Variants in TTC28 observed in about 807,000 individuals in gnomAD.
TTC28 encodes tetratricopeptide repeat domain 28.
TTC28 carries 61 observed loss-of-function variants against 198.0 expected under a neutral mutation model. The ratio of observed to expected loss-of-function variants is 0.31; its 90% CI spans 0.25 to 0.38. The LOEUF (loss-of-function observed/expected upper bound fraction) is 0.38. TTC28 is among the 10% of genes least tolerant of loss of function. The pLI is 1.00. For missense variants in TTC28, 2,678 were observed against 3,164.0 expected, an observed-to-expected ratio of 0.85 and a Z score of 3.69; for synonymous variants, 1,171 against 1,297.8, an observed-to-expected ratio of 0.90 and a Z score of 2.10.
intron 2 of TTC28, among the ~76,000 whole-genome samples, chr22:28,603,886 T>A (rs2050682403): frequency 1.3e-5 from 2 of 152,216 alleles, no homozygotes; most frequent in Admixed American, 1.3e-4. Context: ...GAAGAATGTT[T>A]CCATTTTAGT....
intron 6 of TTC28, among the ~76,000 whole-genome samples, chr22:28,127,044 T>G (rs561138327): frequency 3.9e-5 from 6 of 152,342 alleles, no homozygotes; most frequent in African/African-American, 1.4e-4. Flanking sequence ...TAAAAATATC[T>G]TAATAAATTA....
At chr22:28,629,299 G>A in intron 2 of TTC28, 5 of 441,198 alleles carry the variant, frequency 1.1e-5, no homozygotes, top group Non-Finnish European at 1.6e-5. Flanking sequence ...TTATCAAGCG[G>A]CACAGATAAA....
intron 5 of TTC28, among the ~76,000 whole-genome samples, chr22:28,277,087 A>G (rs2044487050): frequency 6.6e-6 from 1 of 152,166 alleles, no homozygotes; most frequent in Non-Finnish European, 1.5e-5. Context: ...AATAAAAAAA[A>G]TTTAGAAAGT....
intron 2 of TTC28, among the ~76,000 whole-genome samples, chr22:28,537,615 A>G (rs1470208315): frequency 1.3e-5 from 2 of 152,168 alleles, no homozygotes; most frequent in Admixed American, 6.5e-5. Context: ...TGATAGATCA[A>G]AATGTATAAA....
At chr22:28,243,422 C>CT (rs34069957) in intron 5 of TTC28, among the ~76,000 whole-genome samples, 8,251 of 140,760 alleles carry the variant, frequency 0.059, 351 homozygotes, top group African/African-American at 0.11. Context: ...TTTTTTTTCC[C>CT]TTTTTTTTTT....
chr22:28,655,876 T>G (rs2051640287), intron 1 of TTC28, among the ~76,000 whole-genome samples: 1 of 150,220 alleles, frequency 6.7e-6, no homozygotes, highest in African/African-American at 2.4e-5. Flanking sequence ...AAAAAAAAAC[T>G]TCCCCCACCC....
At chr22:28,473,892 G>C (rs1226064729) in intron 2 of TTC28, among the ~76,000 whole-genome samples, 5 of 152,188 alleles carry the variant, frequency 3.3e-5, no homozygotes, top group Non-Finnish European at 7.3e-5. Flanking sequence ...GCCAAAGAGA[G>C]AAGCCTCAAA....
intron 1 of TTC28, among the ~76,000 whole-genome samples, chr22:28,658,344 C>A (rs796417769): frequency 6.6e-6 from 1 of 152,088 alleles, no homozygotes; most frequent in African/African-American, 2.4e-5. Context: ...TACTCTAAAG[C>A]AGAAGAGTAA....
intron 5 of TTC28, among the ~76,000 whole-genome samples, chr22:28,259,276 A>G (rs1931161281): frequency 6.6e-6 from 1 of 152,150 alleles, no homozygotes; most frequent in African/African-American, 2.4e-5. Flanking sequence ...GTTCCTAGCC[A>G]TAGTAGGTAT....
intron 2 of TTC28, among the ~76,000 whole-genome samples, chr22:28,459,169 G>A (rs1000216554): frequency 1.9e-4 from 29 of 152,132 alleles, no homozygotes; most frequent in African/African-American, 7.0e-4. Context: ...GCTCATGCCT[G>A]TAATCCCAGC....
At chr22:27,995,857 T>C (rs185370843) in intron 17 of TTC28, among the ~76,000 whole-genome samples, 41 of 152,294 alleles carry the variant, frequency 2.7e-4, no homozygotes, top group African/African-American at 9.6e-4. Flanking sequence ...CCACACACCA[T>C]GCCCACCCCT....
chr22:28,358,097 C>T (rs952976196), intron 2 of TTC28, among the ~76,000 whole-genome samples: 3 of 152,010 alleles, frequency 2.0e-5, no homozygotes, highest in African/African-American at 7.3e-5. Context: ...CATAAAGTAC[C>T]TTATTTTGAG....
At chr22:28,534,425 C>G (rs376041938) in intron 2 of TTC28, among the ~76,000 whole-genome samples, 30 of 152,036 alleles carry the variant, frequency 2.0e-4, no homozygotes, top group African/African-American at 3.4e-4. Context: ...AGGTGCTGGA[C>G]AGGATGTGGA....
chr22:28,295,062 G>A (rs2044867002), intron 5 of TTC28, among the ~76,000 whole-genome samples: 1 of 152,090 alleles, frequency 6.6e-6, no homozygotes, highest in Non-Finnish European at 1.5e-5. Flanking sequence ...TGTTTGTAAT[G>A]TTAGTTATTT....
At chr22:27,996,083 C>G in intron 17 of TTC28, 52 bp downstream of exon 17, 2 of 1,520,244 alleles carry the variant, frequency 1.3e-6, no homozygotes, top group South Asian at 1.2e-5. Context: ...CCTTCCCCTT[C>G]TCTCACAGCA....
chr22:28,098,464 C>G (rs1942037810), intron 10 of TTC28, among the ~76,000 whole-genome samples: 1 of 152,132 alleles, frequency 6.6e-6, no homozygotes, highest in East Asian at 1.9e-4. Flanking sequence ...GTGATCCCAG[C>G]CCTTTGGGAG....
At chr22:28,492,801 T>G (rs2048397173) in intron 2 of TTC28, among the ~76,000 whole-genome samples, 1 of 152,180 alleles carries the variant, frequency 6.6e-6, no homozygotes, top group African/African-American at 2.4e-5. Flanking sequence ...CTAAATTTCC[T>G]TTCTCCAAAA....
chr22:28,590,206 C>A (rs2050402424), intron 2 of TTC28, among the ~76,000 whole-genome samples: 1 of 150,388 alleles, frequency 6.6e-6, no homozygotes, highest in South Asian at 2.1e-4. Context: ...CGGCTCACTG[C>A]AAGCTCCACT....
chr22:28,163,816 G>A (rs568324672), intron 5 of TTC28, among the ~76,000 whole-genome samples: 147 of 152,306 alleles, frequency 9.7e-4, no homozygotes, highest in African/African-American at 3.0e-3. Flanking sequence ...TGGGTGCAGC[G>A]CACCGTGCAT....
Sources: gnomAD v4.1 joint callset for allele counts (sites outside exome capture counted in the v4.1 genomes callset) on GRCh38, gnomAD v4.1.1 for gene constraint, MANE v1.5 for transcripts, NCBI Gene and HGNC (gene_info 2026-07-23, HGNC 2026-07-21) for gene names.